Variants in SH3BP4 observed in about 807,000 individuals in gnomAD.
SH3BP4 encodes the protein SH3 domain-binding protein 4.
SH3BP4 carries 33 observed loss-of-function variants against 65.5 expected under a neutral mutation model. That is an observed-to-expected ratio of 0.50 (90% CI 0.38 to 0.67). The LOEUF is 0.67. Ranked by LOEUF, SH3BP4 falls within the 30% of genes least tolerant of loss-of-function variation. The pLI, the probability that SH3BP4 is intolerant of heterozygous loss-of-function variation, is 0.00. For synonymous variants in SH3BP4, 552 were observed against 545.5 expected, an observed-to-expected ratio of 1.01 and a Z score of -0.17; for missense variants, 1,134 against 1,261.4, an observed-to-expected ratio of 0.90 and a Z score of 1.53.
At position 235,055,302 on chromosome 2, in the gene SH3BP4, A is replaced by T. The variant is rs1696189787; in HGVS notation, c.*1486A>T. On this transcript the variant is annotated 3_prime_UTR_variant, in exon 6 of 6. Coordinates refer to ENST00000392011, the MANE Select transcript of SH3BP4 (RefSeq NM_014521.3). Reference sequence around the variant, plus strand: ...GTTACTTCCTTAGTATAATCAATGTATACTCCCTTACTGGCCTGAAACGTT... The same window carrying T: ...GTTACTTCCTTAGTATAATCAATGTTTACTCCCTTACTGGCCTGAAACGTT... 1 of 152,532 alleles carries T rather than the reference A, an allele frequency of 6.6e-6. No homozygotes were observed. The highest frequency in any genetic ancestry group is 6.5e-5 in the Admixed American group (1 of 15,276). The allele number at this position is 152,532 out of a possible 1,614,324, so 9.4% of individuals were successfully genotyped here. A position where few individuals can be genotyped will look rare whatever the true frequency, so the allele number is the denominator to read the frequency against.
Position 235,046,229 on chromosome 2 carries a change from G to A in SH3BP4, c.2478+2982G>A, listed in dbSNP as rs1167691337. 2.0e-5 allele frequency among the ~76,000 whole-genome samples: 3 copies of A among 152,114 alleles called. No individual in the cohort carries two copies. The highest frequency in any genetic ancestry group is 1.9e-4 in the East Asian group (1 of 5,186). ...CCAGGACGTCCTTCTCTGCAGCCCCGCGCACTCCATCATCCTCTGTCTCCA... is the reference window on the plus strand; with the variant it reads ...CCAGGACGTCCTTCTCTGCAGCCCCACGCACTCCATCATCCTCTGTCTCCA... On this transcript the variant is annotated intron_variant, in intron 4 of 5. Transcript: ENST00000392011. This position sits in a 1 kb window ranked among gnomAD's most constrained non-coding sequence, Gnocchi z 4.2.
chr2:235,027,844 T>C (rs1317512143), intron 2 of SH3BP4, among the ~76,000 whole-genome samples: 1 of 152,212 alleles, frequency 6.6e-6, no homozygotes, highest in Non-Finnish European at 1.5e-5. Flanking sequence ...GCCCCAGACA[T>C]GCTCTCGTTA....
chr2:234,961,710 G>C (rs1323731394), intron 1 of SH3BP4, among the ~76,000 whole-genome samples: 1 of 152,222 alleles, frequency 6.6e-6, no homozygotes, highest in Non-Finnish European at 1.5e-5. Context: ...CATCTGAGTT[G>C]AACAGAGTGT....
chr2:235,042,141 C>G lies in SH3BP4; in HGVS notation c.1372C>G (p.Pro458Ala), dbSNP rs760621038. Residue 458 changes from proline (P) to alanine (A), a missense_variant, in exon 4 of 6, where the codon CCA becomes GCA. Coordinates refer to ENST00000392011, the MANE Select transcript of SH3BP4 (RefSeq NM_014521.3). The surrounding 1 kb of genome is among the most constrained non-coding windows in gnomAD (Gnocchi z 7.3). ...GTACGTGGCTGTCGTGGCCCATGGC[C>G]CAAGCATCCTCTACCCTTCCACCGT... is the stretch of plus-strand genomic sequence containing the variant. ...CMYVAVVAHG[P>A]SILYPSTVWD... 1 of 1,613,948 alleles carries G rather than the reference C, an allele frequency of 6.2e-7. No homozygotes were observed. The highest frequency in any genetic ancestry group is 1.1e-5 in the South Asian group (1 of 91,072).
chr2:234,966,552 G>A (rs980697018), intron 1 of SH3BP4, among the ~76,000 whole-genome samples: 3 of 152,174 alleles, frequency 2.0e-5, no homozygotes, highest in Non-Finnish European at 2.9e-5. Flanking sequence ...TAATGTGTCC[G>A]TGAACATAGC....
chr2:235,042,311 C>T lies in SH3BP4; in HGVS notation c.1542C>T (p.Pro514=), dbSNP rs1468324599. The T allele has an allele frequency of 6.2e-7, 1 of 1,614,144 alleles. No homozygotes were observed. The highest frequency in any genetic ancestry group is 8.5e-7 in the Non-Finnish European group (1 of 1,180,016). ...TCAGCGAGGTCACACGCCAGGCACC[C>T]AACCCTGCCCCGGTGGCCCTGCAGC... ...LLVSEVTRQA[P]NPAPVALQLW... The change falls in exon 4 of 6, where the codon CCC becomes CCT. Residue 514 remains proline, a synonymous_variant. Coordinates refer to ENST00000392011, the MANE Select transcript of SH3BP4 (RefSeq NM_014521.3). This position sits in a 1 kb window ranked among gnomAD's most constrained non-coding sequence, Gnocchi z 7.3.
At position 235,026,121 on chromosome 2, in the gene SH3BP4, G is replaced by A. The variant is rs561494259; in HGVS notation, c.-132-8750G>A. ...ACAGAGGGGATGGGGGAGGGATGGG[G>A]CCAGGAATAGAGGAAGCAGAGGAGA... On this transcript the variant is annotated intron_variant, in intron 2 of 5. Transcript: ENST00000392011. This position sits in a 1 kb window ranked among gnomAD's most constrained non-coding sequence, Gnocchi z 4.6. Among the ~76,000 whole-genome samples the A allele has an allele frequency of 2.0e-5, 3 of 152,066 alleles. No homozygotes were observed. The highest frequency in any genetic ancestry group is 4.4e-5 in the Non-Finnish European group (3 of 68,032).
intron 2 of SH3BP4, among the ~76,000 whole-genome samples, chr2:234,999,516 G>A (rs1694032592): frequency 6.6e-6 from 1 of 152,136 alleles, no homozygotes; most frequent in Non-Finnish European, 1.5e-5. Context: ...AATTTCGGAA[G>A]GGCACCTGGA....
chr2:234,964,990 C>T (rs1222406373), intron 1 of SH3BP4, among the ~76,000 whole-genome samples: 1 of 152,168 alleles, frequency 6.6e-6, no homozygotes, highest in Non-Finnish European at 1.5e-5. Flanking sequence ...GTCGGTCTCC[C>T]AGCCCAGTGC....
Position 234,974,950 on chromosome 2 carries a change from A to C in SH3BP4, c.-206-20353A>C, listed in dbSNP as rs1476270588. Among the ~76,000 whole-genome samples, 1 of 152,186 alleles carries C rather than the reference A, an allele frequency of 6.6e-6. No homozygotes were observed. The highest frequency in any genetic ancestry group is 2.4e-5 in the African/African-American group (1 of 41,448). ...AATAAAACTTAGCCTGATTAGAGGCATGTGGGAAGCATGCCCAGCACACGT... is the reference window on the plus strand; with the variant it reads ...AATAAAACTTAGCCTGATTAGAGGCCTGTGGGAAGCATGCCCAGCACACGT... On this transcript the variant is annotated intron_variant, in intron 1 of 5. Coordinates refer to ENST00000392011, the MANE Select transcript of SH3BP4 (RefSeq NM_014521.3). The surrounding 1 kb of genome is among the most constrained non-coding windows in gnomAD (Gnocchi z 4.6).
chr2:235,052,488 G>A lies in SH3BP4; in HGVS notation c.2479-74G>A, dbSNP rs1696088598. On this transcript the variant is annotated intron_variant, in intron 4 of 5. Transcript: ENST00000392011. This position sits in a 1 kb window ranked among gnomAD's most constrained non-coding sequence, Gnocchi z 5.0. ...GCCCATGGCCATTCCTGCGCCGTCT[G>A]CTGGAATTCTGCGGGGAGCAGAGCC... 1 of 1,255,928 alleles carries A rather than the reference G, an allele frequency of 8.0e-7. No individual in the cohort carries two copies. The highest frequency in any genetic ancestry group is 1.1e-6 in the Non-Finnish European group (1 of 925,560). 77.8% of individuals were successfully genotyped at this position (1,255,928 alleles called of 1,614,324 possible). A position where few individuals can be genotyped will look rare whatever the true frequency, so the allele number is the denominator to read the frequency against.
chr2:234,977,993 T>C lies in SH3BP4; in HGVS notation c.-206-17310T>C, dbSNP rs1431966188. 2.0e-5 allele frequency among the ~76,000 whole-genome samples: 3 copies of C among 152,210 alleles called. No individual in the cohort carries two copies. Among genetic ancestry groups the C allele is most frequent in the African/African-American group, 7.2e-5 (3 of 41,462 alleles). ...TTTTTGAGACAGAGTTTGGCTCTTG[T>C]TGGCCAGGCTGGAGTGCAGTGGCGC... On this transcript the variant is annotated intron_variant, in intron 1 of 5. Transcript: ENST00000392011. This position sits in a 1 kb window ranked among gnomAD's most constrained non-coding sequence, Gnocchi z 5.1.
intron 1 of SH3BP4, among the ~76,000 whole-genome samples, chr2:234,971,917 A>T (rs1242448006): frequency 6.6e-6 from 1 of 151,900 alleles, no homozygotes; most frequent in Non-Finnish European, 1.5e-5. Context: ...CCCAGGTTCA[A>T]GCGATTCTCC....
chr2:235,043,369 A>C, intron 4 of SH3BP4, 122 bp downstream of exon 4: 1 of 652,738 alleles, frequency 1.5e-6, no homozygotes, highest in Non-Finnish European at 2.6e-6. Flanking sequence ...TCTGTGGCTG[A>C]TGTCCCGCTG....
intron 2 of SH3BP4, among the ~76,000 whole-genome samples, chr2:235,013,662 G>A (rs1042980775): frequency 4.6e-5 from 7 of 152,146 alleles, no homozygotes; most frequent in Non-Finnish European, 7.4e-5. Flanking sequence ...GCCTGCAGTC[G>A]CTTCCAGGGT....
intron 4 of SH3BP4, among the ~76,000 whole-genome samples, chr2:235,048,382 G>C (rs1245469153): frequency 6.6e-6 from 1 of 152,168 alleles, no homozygotes; most frequent in Non-Finnish European, 1.5e-5. Context: ...CTAGGCGGGA[G>C]TGCAGTGGTG....
chr2:235,013,189 C>T lies in SH3BP4; in HGVS notation c.-133+17813C>T, dbSNP rs146261839. 3.3e-3 allele frequency among the ~76,000 whole-genome samples: 507 copies of T among 152,294 alleles called. 2 individuals carry two copies. Among genetic ancestry groups the T allele is most frequent in the African/African-American group, 0.012 (492 of 41,554 alleles). ...TGACTCGCAAGGCACATCTGGCCAG[C>T]GTGGGAAGGGAGGAGGTCTTCAGGC... On this transcript the variant is annotated intron_variant, in intron 2 of 5. Transcript: ENST00000392011.
intron 4 of SH3BP4, among the ~76,000 whole-genome samples, chr2:235,048,982 T>C (rs951218106): frequency 2.0e-5 from 3 of 152,232 alleles, no homozygotes; most frequent in African/African-American, 4.8e-5. Flanking sequence ...AATTTTTCTA[T>C]TGCTAAGAAT....
At chr2:234,965,795 A>G (rs1440892614) in intron 1 of SH3BP4, among the ~76,000 whole-genome samples, 2 of 152,162 alleles carry the variant, frequency 1.3e-5, no homozygotes, top group African/African-American at 4.8e-5. Context: ...TCGGGACAAA[A>G]TTCTGATTTA....
Sources: allele counts gnomAD v4.1 joint callset (sites outside exome capture counted in the v4.1 genomes callset), GRCh38; gene constraint gnomAD v4.1.1; non-coding constraint Gnocchi (gnomAD v3.1); transcripts MANE v1.5; gene names NCBI Gene and HGNC (gene_info 2026-07-23, HGNC 2026-07-21).